The following PTGFR variants were observed in gnomAD, a reference collection of about 807,000 sequenced individuals.
The protein encoded by PTGFR is prostaglandin F2-alpha receptor.
In PTGFR, 15 loss-of-function variants were observed where a neutral mutation model predicts 26.2. The ratio of observed to expected loss-of-function variants is 0.57; its 90% CI spans 0.38 to 0.88. The LOEUF is 0.88. Among genes scored for constraint, PTGFR ranks in the 40% least tolerant of loss-of-function variants. PTGFR has a pLI of 0.00. For missense variants in PTGFR, 369 were observed against 427.2 expected (o/e 0.86, Z 1.20); for synonymous variants, 165 against 151.1 (o/e 1.09, Z -0.68).
In PTGFR at chr1:78,492,556, T is replaced by A. The variant is rs986253929; in HGVS notation, c.-72-116T>A. 6 of 565,302 alleles carry A rather than the reference T, an allele frequency of 1.1e-5. No individual in the cohort carries two copies. The Admixed American group carries it at 2.0e-4, about 19-fold the overall frequency. The allele number at this position is 565,302 out of a possible 1,614,324, so 35.0% of individuals were successfully genotyped here. ...AGCTGCTTTCAGTATGATGCAACCT[T>A]GCTTATGATAGGCCAGATAAAACCC... On this transcript the variant is annotated intron_variant, in intron 1 of 2. Coordinates refer to ENST00000370757, the MANE Select transcript of PTGFR (RefSeq NM_000959.4).
At chr1:78,500,281 A>C (rs574106894) in intron 2 of PTGFR, among the ~76,000 whole-genome samples, 30 of 152,340 alleles carry the variant, frequency 2.0e-4, no homozygotes, top group African/African-American at 7.0e-4. Flanking sequence ...TCAGACTAAA[A>C]GATTAGGTAG....
intron 2 of PTGFR, among the ~76,000 whole-genome samples, chr1:78,521,494 G>GA (rs748973853): frequency 1.3e-5 from 2 of 152,036 alleles, no homozygotes; most frequent in Non-Finnish European, 2.9e-5. Context: ...TATAAAATTT[G>GA]AAAAATACAG....
chr1:78,496,550 A>G (rs1649557030), intron 2 of PTGFR, among the ~76,000 whole-genome samples: 1 of 152,168 alleles, frequency 6.6e-6, no homozygotes, highest in Non-Finnish European at 1.5e-5. Context: ...TCAAGTCTCA[A>G]ACTGGAACGA....
chr1:78,539,266 A>G lies in PTGFR; in HGVS notation c.*2579A>G, dbSNP rs986624771. ...TGTAGATATATTTTGTTATGTGATAAATGTTTCTTGTTTGCACACTTTTGG... is the reference window on the plus strand; with the variant it reads ...TGTAGATATATTTTGTTATGTGATAGATGTTTCTTGTTTGCACACTTTTGG... On this transcript the variant is annotated 3_prime_UTR_variant, in exon 3 of 3. Coordinates refer to ENST00000370757, the MANE Select transcript of PTGFR (RefSeq NM_000959.4). 1 of 152,040 alleles carries G rather than the reference A, an allele frequency of 6.6e-6. No individual in the cohort carries two copies. Among genetic ancestry groups the G allele is most frequent in the African/African-American group, 2.4e-5 (1 of 41,432 alleles). The allele number at this position is 152,040 out of a possible 1,614,324, so 9.4% of individuals were successfully genotyped here.
chr1:78,517,839 A>G (rs915977176), intron 2 of PTGFR, among the ~76,000 whole-genome samples: 12 of 152,194 alleles, frequency 7.9e-5, no homozygotes, highest in Non-Finnish European at 1.8e-4. Context: ...TTTGTAGAGA[A>G]TGGATTATAA....
Position 78,492,896 on chromosome 1 carries a change from C to T in PTGFR, c.153C>T (p.Leu51=). The change falls in exon 2 of 3, where the codon CTC becomes CTT. Residue 51 remains leucine, a synonymous_variant. Transcript: ENST00000370757. ...ILSNSLAIAI[L]MKAYQRFRQK... ...CAAACAGCCTTGCCATCGCCATTCT[C>T]ATGAAGGCATATCAGAGATTTAGAC... is the stretch of plus-strand genomic sequence containing the variant. 1 of 1,614,230 alleles carries T rather than the reference C, an allele frequency of 6.2e-7. No homozygotes were observed. Among genetic ancestry groups the T allele is most frequent in the Non-Finnish European group, 8.5e-7 (1 of 1,180,042 alleles).
At chr1:78,528,876 A>T (rs1039560960) in intron 2 of PTGFR, among the ~76,000 whole-genome samples, 2 of 152,162 alleles carry the variant, frequency 1.3e-5, no homozygotes, top group Non-Finnish European at 2.9e-5. Flanking sequence ...AGACCAACAC[A>T]TACATTTCAA....
In PTGFR at chr1:78,540,234, C is replaced by T. The variant is rs1041009303; in HGVS notation, c.*3547C>T. 6.6e-6 allele frequency among the ~76,000 whole-genome samples: 1 copy of T among 152,072 alleles called. No individual in the cohort carries two copies. The highest frequency in any genetic ancestry group is 2.4e-5 in the African/African-American group (1 of 41,420). On this transcript the variant is annotated 3_prime_UTR_variant, in exon 3 of 3. Transcript: ENST00000370757. ...AGAATATCCATCTGGAGGCAACACA[C>T]ATTTGCATACACTTCTCCAGCTAAC...
chr1:78,537,444 A>C lies in PTGFR; in HGVS notation c.*757A>C, dbSNP rs751194726. On this transcript the variant is annotated 3_prime_UTR_variant, in exon 3 of 3. Coordinates refer to ENST00000370757, the MANE Select transcript of PTGFR (RefSeq NM_000959.4). ...CAATAAATAATTTTTAGAGAAACAA[A>C]GGCTCTTTCTCAGCACATTGATGGG... The C allele has an allele frequency of 2.0e-5, 3 of 152,158 alleles. No individual in the cohort carries two copies. Among genetic ancestry groups the C allele is most frequent in the Non-Finnish European group, 4.4e-5 (3 of 68,008 alleles). The allele number at this position is 152,158 out of a possible 1,614,324, so 9.4% of individuals were successfully genotyped here. A position where few individuals can be genotyped will look rare whatever the true frequency, so the allele number is the denominator to read the frequency against.
chr1:78,501,704 G>C (rs1649710354), intron 2 of PTGFR, among the ~76,000 whole-genome samples: 1 of 152,148 alleles, frequency 6.6e-6, no homozygotes, highest in Non-Finnish European at 1.5e-5. Context: ...CCCAAGTCAA[G>C]TCTTCCTTTG....
intron 2 of PTGFR, among the ~76,000 whole-genome samples, chr1:78,507,268 T>A (rs1447206798): frequency 1.3e-5 from 2 of 152,168 alleles, no homozygotes; most frequent in African/African-American, 4.8e-5. Context: ...AAACTCATCC[T>A]TTTTCCCAGA....
At chr1:78,517,134 C>A (rs764441553) in intron 2 of PTGFR, among the ~76,000 whole-genome samples, 6 of 152,106 alleles carry the variant, frequency 3.9e-5, no homozygotes, top group Non-Finnish European at 5.9e-5. Flanking sequence ...GAAGGCACTT[C>A]AAATATTACC....
chr1:78,525,793 A>G (rs901095404), intron 2 of PTGFR, among the ~76,000 whole-genome samples: 1 of 152,090 alleles, frequency 6.6e-6, no homozygotes, highest in Non-Finnish European at 1.5e-5. Flanking sequence ...GGTGTCCACC[A>G]GAACTAATAA....
intron 2 of PTGFR, among the ~76,000 whole-genome samples, chr1:78,514,869 C>T (rs534376201): frequency 1.3e-5 from 2 of 152,216 alleles, no homozygotes; most frequent in African/African-American, 4.8e-5. Context: ...TCCCCCTTCT[C>T]CTTCTTGCTC....
intron 2 of PTGFR, among the ~76,000 whole-genome samples, chr1:78,522,474 A>G (rs1650267222): frequency 2.6e-5 from 4 of 151,992 alleles, no homozygotes; most frequent in Non-Finnish European, 1.5e-5. Flanking sequence ...ACAAGTACAT[A>G]CCCAGCTTTT....
At chr1:78,518,364 C>T (rs943811170) in intron 2 of PTGFR, among the ~76,000 whole-genome samples, 1 of 151,764 alleles carries the variant, frequency 6.6e-6, no homozygotes, top group African/African-American at 2.4e-5. Flanking sequence ...GGAGTTTTCT[C>T]TTTTTATTAC....
chr1:78,496,182 G>A (rs1649548333), intron 2 of PTGFR, among the ~76,000 whole-genome samples: 1 of 152,142 alleles, frequency 6.6e-6, no homozygotes, highest in Non-Finnish European at 1.5e-5. Context: ...TCCTCAGACA[G>A]GTATAAACAA....
intron 2 of PTGFR, among the ~76,000 whole-genome samples, chr1:78,521,042 C>G (rs148609485): frequency 1.1e-4 from 16 of 152,040 alleles, no homozygotes; most frequent in Admixed American, 1.3e-4. Flanking sequence ...CAGCCACATG[C>G]GGGCTGCCTA....
intron 2 of PTGFR, among the ~76,000 whole-genome samples, chr1:78,526,589 T>A (rs1246693605): frequency 3.9e-5 from 6 of 151,972 alleles, no homozygotes; most frequent in Non-Finnish European, 8.8e-5. Flanking sequence ...ACAAATAACC[T>A]TTTTTTGTGC....
Sources: allele counts gnomAD v4.1 joint callset (sites outside exome capture counted in the v4.1 genomes callset), GRCh38; gene constraint gnomAD v4.1.1; transcripts MANE v1.5; gene names NCBI Gene and HGNC (gene_info 2026-07-23, HGNC 2026-07-21).